The following HAUS6 variants were observed in gnomAD, a reference collection of about 807,000 sequenced individuals.
HAUS6 encodes HAUS augmin-like complex subunit 6.
HAUS6 carries 80 observed loss-of-function variants against 106.8 expected under a neutral mutation model. The observed-to-expected ratio is 0.75, with a 90% CI of 0.63 to 0.90. The LOEUF is 0.90. Among genes scored for constraint, HAUS6 ranks in the 40% least tolerant of loss-of-function variants. The pLI is 0.00. For synonymous variants in HAUS6, 356 were observed against 379.1 expected (o/e 0.94, Z 0.71); for missense variants, 1,155 against 1,118.1 (o/e 1.03, Z -0.47).
chr9:19,086,654 A>G, intron 7 of HAUS6, 80 bp downstream of exon 7: 2 of 671,482 alleles, frequency 3.0e-6, no homozygotes, highest in Non-Finnish European at 2.7e-6. Flanking sequence ...AATAGACTAT[A>G]AGAGTCCCAC....
intron 12 of HAUS6, among the ~76,000 whole-genome samples, chr9:19,065,488 G>A (rs1291075493): frequency 6.8e-6 from 1 of 146,976 alleles, no homozygotes; most frequent in Non-Finnish European, 1.5e-5. Context: ...TGGTTAATAT[G>A]TTATTTAAAC....
At chr9:19,067,250 A>C (rs943631282) in intron 12 of HAUS6, among the ~76,000 whole-genome samples, 1 of 152,216 alleles carries the variant, frequency 6.6e-6, no homozygotes, top group African/African-American at 2.4e-5. Context: ...TACATGCAAA[A>C]AAGGTATTAT....
rs768859153 is a variant in HAUS6 at position 19,070,178 on chromosome 9, GT to G, written c.1376+40del. 90 of 1,091,004 alleles carry G rather than the reference GT, an allele frequency of 8.2e-5. 5 individuals are homozygous for G. Among genetic ancestry groups the G allele is most frequent in the South Asian group, 2.6e-4 (19 of 74,194 alleles). The allele number at this position is 1,091,004 out of a possible 1,614,324, so 67.6% of individuals were successfully genotyped here. ...CATCTCTATTTTTTATAAAATAAGA[GT>G]TTTTTAATGTTTAACAAAAGAAAAT... On this transcript the variant is annotated intron_variant, in intron 12 of 16. Coordinates refer to ENST00000380502, the MANE Select transcript of HAUS6 (RefSeq NM_017645.5).
chr9:19,094,704 T>C (rs1175006001), intron 2 of HAUS6, among the ~76,000 whole-genome samples: 3 of 151,994 alleles, frequency 2.0e-5, no homozygotes, highest in African/African-American at 4.8e-5. Context: ...GGCACGAGTA[T>C]TGCTTGAACC....
intron 12 of HAUS6, among the ~76,000 whole-genome samples, chr9:19,067,076 C>G (rs1441179835): frequency 6.6e-6 from 1 of 151,660 alleles, no homozygotes; most frequent in African/African-American, 2.4e-5. Flanking sequence ...TGAATGACAA[C>G]TGCATGTGAT....
chr9:19,101,446 G>A (rs1324734551), intron 1 of HAUS6, among the ~76,000 whole-genome samples: 5 of 152,038 alleles, frequency 3.3e-5, no homozygotes, highest in East Asian at 1.9e-4. Context: ...AGCTGTGATC[G>A]CACAACTGCA....
chr9:19,099,456 G>A (rs113616888), intron 1 of HAUS6, among the ~76,000 whole-genome samples: 10 of 151,550 alleles, frequency 6.6e-5, no homozygotes, highest in African/African-American at 2.4e-4. Flanking sequence ...GTGAGCCACC[G>A]CACCCGGCCT....
At chr9:19,070,717 T>C (rs1836865673) in intron 11 of HAUS6, among the ~76,000 whole-genome samples, 1 of 152,210 alleles carries the variant, frequency 6.6e-6, no homozygotes, top group South Asian at 2.1e-4. Context: ...AATAACTACA[T>C]GCTACTACCA....
chr9:19,102,735 C>G lies in HAUS6; in HGVS notation c.-84G>C. 1 of 1,408,214 alleles carries G rather than the reference C, an allele frequency of 7.1e-7. No homozygotes were observed. Among genetic ancestry groups the G allele is most frequent in the Non-Finnish European group, 9.7e-7 (1 of 1,032,854 alleles). 87.2% of individuals were successfully genotyped at this position (1,408,214 alleles called of 1,614,324 possible). On this transcript the variant is annotated 5_prime_UTR_variant, in exon 1 of 17. Transcript: ENST00000380502. Reference sequence around the variant, plus strand: ...GGCCCTCAAGATCCCTCCCTACGGTCAGCCTGAGGTCGCGGTGGTCCTTCC... The same window carrying G: ...GGCCCTCAAGATCCCTCCCTACGGTGAGCCTGAGGTCGCGGTGGTCCTTCC...
At chr9:19,084,635 CTTT>C (rs113235811) in intron 7 of HAUS6, among the ~76,000 whole-genome samples, 8 of 138,818 alleles carry the variant, frequency 5.8e-5, no homozygotes, top group Admixed American at 7.2e-5. Context: ...TTTCTTTTTT[CTTT>C]TTTTTTTTTT....
At chr9:19,094,767 G>A (rs1481936626) in intron 2 of HAUS6, among the ~76,000 whole-genome samples, 1 of 151,972 alleles carries the variant, frequency 6.6e-6, no homozygotes, top group Non-Finnish European at 1.5e-5. Context: ...CTGCAGCCTG[G>A]GTGACCCTGT....
intron 5 of HAUS6, 43 bp downstream of exon 5, chr9:19,089,368 TC>T: frequency 7.6e-7 from 1 of 1,311,822 alleles, no homozygotes; most frequent in Non-Finnish European, 1.1e-6. Context: ...TGACATCTGT[TC>T]AAAAGAAAGA....
Position 19,058,227 on chromosome 9 carries a change from T to C in HAUS6, c.2540A>G (p.Lys847Arg), listed in dbSNP as rs1285680109. 5.0e-6 allele frequency: 8 copies of C among 1,613,966 alleles called. No homozygotes were observed. The highest frequency in any genetic ancestry group is 6.8e-6 in the Non-Finnish European group (8 of 1,179,856). The change falls in exon 16 of 17, where the codon AAA becomes AGA. Residue 847 changes from lysine to arginine, a missense_variant. By Grantham distance (26) the Lys-to-Arg change is conservative. This residue lies in a region of HAUS6 where 380 missense variants were observed against 394.8 expected (regional missense o/e 0.96). Transcript: ENST00000380502. ...YEALKKSLSK[K>R]REESYLSNSQ... The stretch of plus-strand genomic sequence containing the variant: ...ATTCGAGAGGTAAGATTCTTCCCTT[T>C]TCTTGGAAAGAGATTTCTTCAGAGC...
At chr9:19,066,782 T>A (rs1168428098) in intron 12 of HAUS6, among the ~76,000 whole-genome samples, 1 of 133,792 alleles carries the variant, frequency 7.5e-6, no homozygotes, top group Non-Finnish European at 1.5e-5. Flanking sequence ...TCACCTGAGC[T>A]CAGAAGTTTG....
Position 19,102,559 on chromosome 9 carries a change from G to C in HAUS6, c.93C>G (p.Ala31=), listed in dbSNP as rs1220288550. ...LGFEPGPATI[A]CGKIVSHTHL... is the part of the protein sequence containing the mutation. ...GCGTGTGCGACACGATCTTTCCGCA[G>C]GCAATGGTTGCCGGGCCTGGCTCGA... The change falls in exon 1 of 17, where the codon GCC becomes GCG. Residue 31 remains alanine (A), a synonymous_variant. Coordinates refer to ENST00000380502, the MANE Select transcript of HAUS6 (RefSeq NM_017645.5). 1.9e-6 allele frequency: 3 copies of C among 1,613,902 alleles called. No individual in the cohort carries two copies. The highest frequency in any genetic ancestry group is 2.5e-6 in the Non-Finnish European group (3 of 1,179,874).
intron 4 of HAUS6, among the ~76,000 whole-genome samples, chr9:19,092,620 A>AT (rs1251482796): frequency 9.0e-6 from 1 of 110,664 alleles, no homozygotes; most frequent in African/African-American, 3.2e-5. Flanking sequence ...CCGTCTCGGA[A>AT]AAAAAAAAAA....
intron 1 of HAUS6, among the ~76,000 whole-genome samples, chr9:19,099,292 G>A (rs961096250): frequency 1.1e-4 from 17 of 150,816 alleles, no homozygotes; most frequent in Admixed American, 3.3e-4. Flanking sequence ...TCAGCCTCCC[G>A]AATAGCTGCG....
rs1164267580 is a variant in HAUS6 at position 19,087,107 on chromosome 9, C to A, written c.634G>T (p.Glu212Ter). 1 of 1,516,730 alleles carries A rather than the reference C, an allele frequency of 6.6e-7. No individual in the cohort carries two copies. The highest frequency in any genetic ancestry group is 9.2e-7 in the Non-Finnish European group (1 of 1,092,112). The allele number at this position is 1,516,730 out of a possible 1,614,324, so 94.0% of individuals were successfully genotyped here. Residue 212 changes from glutamate (E) to a stop codon, truncating the protein, a stop_gained, in exon 6 of 17, where the codon GAA becomes TAA. Coordinates refer to ENST00000380502, the MANE Select transcript of HAUS6 (RefSeq NM_017645.5). LOFTEE classifies it high-confidence loss of function. ...RNLRSECIGL[E>*]NQIKKMEPYD... Reference sequence around the variant, plus strand: ...GTCACTTACTTCTTTATTTGGTTTTCCAATCCTATACATTCAGATCTCAAG... The same window carrying A: ...GTCACTTACTTCTTTATTTGGTTTTACAATCCTATACATTCAGATCTCAAG...
At chr9:19,067,377 G>C (rs991409677) in intron 12 of HAUS6, among the ~76,000 whole-genome samples, 4 of 152,110 alleles carry the variant, frequency 2.6e-5, no homozygotes, top group Non-Finnish European at 5.9e-5. Context: ...CAGAAACTTA[G>C]CTTTTCACAG....
Sources: allele counts gnomAD v4.1 joint callset (sites outside exome capture counted in the v4.1 genomes callset), GRCh38; gene constraint gnomAD v4.1.1; regional missense constraint gnomAD v4.1.1; transcripts MANE v1.5; gene names NCBI Gene and HGNC (gene_info 2026-07-23, HGNC 2026-07-21).